The following ANKRD30BL variants were observed in gnomAD, a reference collection of about 807,000 sequenced individuals.
ANKRD30BL encodes ankyrin repeat domain 30B like.
Under a neutral mutation model 18.4 loss-of-function variants are expected in ANKRD30BL, and 20 were observed. That is an observed-to-expected ratio of 1.09 (90% CI 0.77 to 1.58). The LOEUF (loss-of-function observed/expected upper bound fraction) is 1.58. Ranked by LOEUF, ANKRD30BL falls within the 40% of genes most tolerant of loss-of-function variation. The pLI is 0.00. For synonymous variants in ANKRD30BL, 72 were observed against 100.9 expected (o/e 0.71, Z 1.72); for missense variants, 224 against 268.6 (o/e 0.83, Z 1.16).
At chr2:132,234,741 G>A (rs1360471819) in intron 1 of ANKRD30BL, among the ~76,000 whole-genome samples, 1 of 152,020 alleles carries the variant, frequency 6.6e-6, no homozygotes, top group South Asian at 2.1e-4. Context: ...ATTCACAGCC[G>A]AATTCTACCA....
At chr2:132,241,431 A>T (rs558830294) in intron 1 of ANKRD30BL, among the ~76,000 whole-genome samples, 43 of 151,212 alleles carry the variant, frequency 2.8e-4, no homozygotes, top group African/African-American at 8.5e-4. Context: ...TCCCTTTCAT[A>T]GAGCAGTTTT....
At chr2:132,216,506 A>G (rs1237278507) in intron 1 of ANKRD30BL, among the ~76,000 whole-genome samples, 1 of 151,842 alleles carries the variant, frequency 6.6e-6, no homozygotes, top group Admixed American at 6.6e-5. Context: ...TTTGAGGCCT[A>G]TGGTGGAAAA....
intron 1 of ANKRD30BL, among the ~76,000 whole-genome samples, chr2:132,179,611 G>T (rs1396266483): frequency 1.3e-5 from 2 of 151,988 alleles, no homozygotes; most frequent in East Asian, 3.9e-4. Context: ...TTTTGAGAGG[G>T]TACTACTTAT....
chr2:132,221,160 G>A (rs989636268), intron 1 of ANKRD30BL, among the ~76,000 whole-genome samples: 26 of 145,916 alleles, frequency 1.8e-4, no homozygotes, highest in South Asian at 6.2e-4. Flanking sequence ...GAGCATCTCC[G>A]CCCGGCAGCC....
At chr2:132,211,102 G>A (rs1378177438) in intron 1 of ANKRD30BL, among the ~76,000 whole-genome samples, 1 of 151,424 alleles carries the variant, frequency 6.6e-6, no homozygotes, top group East Asian at 1.9e-4. Flanking sequence ...TTTGTGATGT[G>A]TGCATTCATC....
intron 5 of ANKRD30BL, among the ~76,000 whole-genome samples, chr2:132,150,572 A>G (rs1211411758): frequency 6.6e-6 from 1 of 151,914 alleles, no homozygotes; most frequent in South Asian, 2.1e-4. Context: ...ACAAGCATAA[A>G]TTTTTATGAC....
At chr2:132,162,308 G>A (rs2104934115), upstream of ANKRD30BL, among the ~76,000 whole-genome samples, 1 of 152,334 alleles carries the variant, frequency 6.6e-6, no homozygotes, top group East Asian at 1.9e-4. Flanking sequence ...TGGTGGCGCT[G>A]GCAGGGTCAG....
In ANKRD30BL at chr2:132,239,951, T is replaced by C. The variant is rs551077249; in HGVS notation, n.441+17578A>G. 6.0e-3 allele frequency among the ~76,000 whole-genome samples: 905 copies of C among 152,076 alleles called. 2 individuals are homozygous for C. The highest frequency in any genetic ancestry group is 0.01 in the Non-Finnish European group (681 of 67,950). On this transcript the variant is annotated intron_variant and non_coding_transcript_variant, in intron 1 of 4. Transcript: ENST00000470729. ...ATCTGCAAGTGGACATTTGGATAGC[T>C]TTGAGGATTTCGTTGGAAACGGGAA... is the stretch of plus-strand genomic sequence containing the variant.
intron 1 of ANKRD30BL, among the ~76,000 whole-genome samples, chr2:132,209,476 C>T (rs796342041): frequency 7.4e-5 from 10 of 135,124 alleles, no homozygotes; most frequent in South Asian, 2.4e-4. Context: ...AGTGGACATT[C>T]GGAGCGATTT....
chr2:132,248,149 A>C (rs1251744032), intron 1 of ANKRD30BL, among the ~76,000 whole-genome samples: 1 of 152,156 alleles, frequency 6.6e-6, no homozygotes, highest in Non-Finnish European at 1.5e-5. Context: ...ATCCCGTTGC[A>C]GATTGTACAA....
rs564430787 is a variant in ANKRD30BL, at chr2:132,252,977, C to A, written n.441+4552G>T. 6.8e-4 allele frequency among the ~76,000 whole-genome samples: 103 copies of A among 152,300 alleles called. 1 individual carries two copies. The East Asian group carries it at 0.018, about 26-fold the overall frequency. ...GGGAGCCCCCCTTCCCCACGCCACC[C>A]AACGCGTGACTACACAGGGCCGCAG... is the stretch of plus-strand genomic sequence containing the variant. On this transcript the variant is annotated intron_variant and non_coding_transcript_variant, in intron 1 of 4. Transcript: ENST00000470729.
chr2:132,171,096 A>G (rs1688272028), intron 1 of ANKRD30BL, among the ~76,000 whole-genome samples: 2 of 150,862 alleles, frequency 1.3e-5, no homozygotes, highest in South Asian at 4.2e-4. Flanking sequence ...CGGAGCCTGC[A>G]GTGAGCCGAG....
rs1292489041 is a variant in ANKRD30BL, at chr2:132,161,628, G to C, written c.78C>G (p.Tyr26Ter). 2 of 1,451,420 alleles carry C rather than the reference G, an allele frequency of 1.4e-6. No homozygotes were observed. Among genetic ancestry groups the C allele is most frequent in the East Asian group, 4.9e-5 (2 of 40,438 alleles). 89.9% of individuals were successfully genotyped at this position (1,451,420 alleles called of 1,614,324 possible). A position where few individuals can be genotyped will look rare whatever the true frequency, so the allele number is the denominator to read the frequency against. ...ERPSPFSQLV[Y>*]TNNDSYVIHH... ...GAATCACGTAAGAGTCGTTGTTGGTGTAGACCAGCTGACTGAAGGGGCTCG... is the reference window on the plus strand; with the variant it reads ...GAATCACGTAAGAGTCGTTGTTGGTCTAGACCAGCTGACTGAAGGGGCTCG... Residue 26 changes from tyrosine (Y) to a stop codon, truncating the protein, a stop_gained, in exon 1 of 6, where the codon TAC becomes TAG. Coordinates refer to ENST00000409867, the MANE Select transcript of ANKRD30BL (RefSeq NM_001358416.1). LOFTEE classifies it high-confidence loss of function.
At chr2:132,239,019 C>G (rs924002710) in intron 1 of ANKRD30BL, among the ~76,000 whole-genome samples, 2 of 152,194 alleles carry the variant, frequency 1.3e-5, no homozygotes, top group East Asian at 1.9e-4. Flanking sequence ...GCATTCAACT[C>G]ACACTGTTGA....
intron 1 of ANKRD30BL, among the ~76,000 whole-genome samples, chr2:132,244,711 A>C (rs1680443242): frequency 1.3e-5 from 2 of 152,404 alleles, no homozygotes; most frequent in South Asian, 2.1e-4. Context: ...AGGATCCGCA[A>C]GTGGATATTT....
chr2:132,217,775 C>T (rs1679549641), intron 1 of ANKRD30BL, among the ~76,000 whole-genome samples: 1 of 152,414 alleles, frequency 6.6e-6, no homozygotes, highest in Admixed American at 6.5e-5. Flanking sequence ...ACGGGTATAT[C>T]TTCACATAAA....
At chr2:132,220,192 A>G (rs570652515) in intron 1 of ANKRD30BL, among the ~76,000 whole-genome samples, 16 of 152,202 alleles carry the variant, frequency 1.1e-4, no homozygotes, top group African/African-American at 3.6e-4. Flanking sequence ...AGGTAGAAGC[A>G]TTCTCAGAAA....
chr2:132,217,558 G>A lies in ANKRD30BL; in HGVS notation n.441+39971C>T, dbSNP rs1390857675. 1.4e-4 allele frequency among the ~76,000 whole-genome samples: 21 copies of A among 152,118 alleles called. 1 individual carries two copies. The highest frequency in any genetic ancestry group is 1.5e-5 in the Non-Finnish European group (1 of 68,024). On this transcript the variant is annotated intron_variant and non_coding_transcript_variant, in intron 1 of 4. Coordinates refer to the ANKRD30BL transcript ENST00000470729. ...CACACTCTTTTAGTAGAATCTGCAA[G>A]TGGATATTCGGACCGCTTTGAGGCA...
At chr2:132,207,972 A>C (rs1259260674) in intron 1 of ANKRD30BL, among the ~76,000 whole-genome samples, 2 of 151,848 alleles carry the variant, frequency 1.3e-5, no homozygotes, top group Non-Finnish European at 2.9e-5. Context: ...CCAATGTGAA[A>C]TTGTTTCTCA....
Sources: gnomAD v4.1 joint callset for allele counts (sites outside exome capture counted in the v4.1 genomes callset) on GRCh38, gnomAD v4.1.1 for gene constraint, MANE v1.5 for transcripts, NCBI Gene and HGNC (gene_info 2026-07-23, HGNC 2026-07-21) for gene names.